Variants in CDKAL1 observed in about 807,000 individuals in gnomAD.
CDKAL1 encodes CDKAL1 threonylcarbamoyladenosine tRNA methylthiotransferase.
Under a neutral mutation model 68.2 loss-of-function variants are expected in CDKAL1, and 32 were observed. The observed-to-expected ratio is 0.47, with a 90% confidence interval of 0.35 to 0.63. The LOEUF is 0.63. Among genes scored for constraint, CDKAL1 ranks in the 30% least tolerant of loss-of-function variants. CDKAL1 has a pLI of 0.00. For missense variants in CDKAL1, 606 were observed against 696.7 expected (o/e 0.87, Z 1.47); for synonymous variants, 234 against 244.3 (o/e 0.96, Z 0.39).
intron 15 of CDKAL1, among the ~76,000 whole-genome samples, chr6:21,208,790 A>G (rs1391925382): frequency 6.6e-6 from 1 of 152,184 alleles, no homozygotes; most frequent in Non-Finnish European, 1.5e-5. Flanking sequence ...CTAGATACAT[A>G]GCTTTTATTC....
chr6:20,637,560 C>T (rs1224747239), intron 4 of CDKAL1, among the ~76,000 whole-genome samples: 1 of 152,054 alleles, frequency 6.6e-6, no homozygotes, highest in Non-Finnish European at 1.5e-5. Context: ...GAAACTCTGT[C>T]TCAACAACAA....
At chr6:20,552,547 C>T (rs1212720556) in intron 4 of CDKAL1, among the ~76,000 whole-genome samples, 1 of 151,274 alleles carries the variant, frequency 6.6e-6, no homozygotes, top group African/African-American at 2.4e-5. Context: ...TTTTGTTTTA[C>T]ACACCTAATT....
At chr6:20,931,226 G>A (rs867109981) in intron 9 of CDKAL1, among the ~76,000 whole-genome samples, 3 of 152,258 alleles carry the variant, frequency 2.0e-5, no homozygotes, top group Admixed American at 6.5e-5. Flanking sequence ...ATATGCAATA[G>A]TTTTCTAGTT....
chr6:21,025,477 A>C (rs990593190), intron 11 of CDKAL1, among the ~76,000 whole-genome samples: 1 of 151,792 alleles, frequency 6.6e-6, no homozygotes, highest in African/African-American at 2.4e-5. Flanking sequence ...GAATATTCCT[A>C]TTTTTCTTCT....
chr6:20,913,266 A>G (rs976941050), intron 9 of CDKAL1, among the ~76,000 whole-genome samples: 1 of 152,136 alleles, frequency 6.6e-6, no homozygotes. Flanking sequence ...AAGTTAGTCA[A>G]TGCTGAGGTC....
chr6:20,561,920 C>T (rs1764281938), intron 4 of CDKAL1, among the ~76,000 whole-genome samples: 1 of 152,176 alleles, frequency 6.6e-6, no homozygotes, highest in Admixed American at 6.5e-5. Flanking sequence ...ATAGTCTTGA[C>T]ATGTCTTGGA....
intron 4 of CDKAL1, among the ~76,000 whole-genome samples, chr6:20,639,459 T>G (rs1397352180): frequency 6.6e-6 from 1 of 152,142 alleles, no homozygotes; most frequent in African/African-American, 2.4e-5. Flanking sequence ...TACTCTTTCC[T>G]CCTTTTCCCC....
At chr6:20,641,370 TC>T (rs1768165965) in intron 4 of CDKAL1, among the ~76,000 whole-genome samples, 1 of 152,108 alleles carries the variant, frequency 6.6e-6, no homozygotes, top group African/African-American at 2.4e-5. Context: ...TATTCATGTG[TC>T]CCTTCTCAGG....
intron 5 of CDKAL1, among the ~76,000 whole-genome samples, chr6:20,701,658 C>T (rs563101527): frequency 2.0e-5 from 3 of 152,134 alleles, no homozygotes; most frequent in East Asian, 1.9e-4. Flanking sequence ...TTTTTTTCTA[C>T]GTAATACCTC....
chr6:20,884,973 A>G (rs756788718), intron 9 of CDKAL1, among the ~76,000 whole-genome samples: 5 of 152,166 alleles, frequency 3.3e-5, no homozygotes, highest in Admixed American at 6.5e-5. Context: ...AAAAAAGAAA[A>G]AAAAAAGTGA....
intron 11 of CDKAL1, among the ~76,000 whole-genome samples, chr6:21,051,496 A>G (rs1770535156): frequency 6.6e-6 from 1 of 152,214 alleles, no homozygotes; most frequent in African/African-American, 2.4e-5. Context: ...CTGGGTAGTG[A>G]TCAGAAGCTT....
intron 2 of CDKAL1, among the ~76,000 whole-genome samples, chr6:20,538,142 G>C (rs1372455443): frequency 6.6e-6 from 1 of 152,036 alleles, no homozygotes; most frequent in East Asian, 1.9e-4. Flanking sequence ...AGCTAACAGA[G>C]TTTTTGTCAG....
chr6:21,169,921 A>ACCCCCCCCC (rs57265201), intron 13 of CDKAL1, among the ~76,000 whole-genome samples: 1 of 127,756 alleles, frequency 7.8e-6, no homozygotes, highest in Non-Finnish European at 1.6e-5. Flanking sequence ...TACGGGAAAG[A>ACCCCCCCCC]CCCCCCCCAC....
At chr6:20,934,890 C>G (rs976423731) in intron 9 of CDKAL1, among the ~76,000 whole-genome samples, 1 of 144,166 alleles carries the variant, frequency 6.9e-6, no homozygotes, top group African/African-American at 2.6e-5. Flanking sequence ...TACTTAATTC[C>G]GCCTTATACA....
intron 13 of CDKAL1, among the ~76,000 whole-genome samples, chr6:21,152,722 T>C (rs1217793262): frequency 6.6e-6 from 1 of 152,280 alleles, no homozygotes; most frequent in Non-Finnish European, 1.5e-5. Context: ...GCTTTTCTTC[T>C]ATTACTGTGA....
chr6:21,078,543 A>C (rs1424226019), intron 12 of CDKAL1, among the ~76,000 whole-genome samples: 1 of 152,194 alleles, frequency 6.6e-6, no homozygotes, highest in Non-Finnish European at 1.5e-5. Context: ...ATGAGTGATT[A>C]ACTAGCCCAA....
At chr6:20,917,023 C>A (rs902299369) in intron 9 of CDKAL1, among the ~76,000 whole-genome samples, 8 of 152,132 alleles carry the variant, frequency 5.3e-5, no homozygotes, top group African/African-American at 1.7e-4. Context: ...TCTTGTTGCC[C>A]AGGCTGAAGT....
intron 4 of CDKAL1, among the ~76,000 whole-genome samples, chr6:20,570,520 C>T (rs1232363967): frequency 6.6e-6 from 1 of 152,158 alleles, no homozygotes; most frequent in African/African-American, 2.4e-5. Flanking sequence ...CTTGCCTTGG[C>T]CTCCCGAGTA....
At chr6:20,669,129 T>C (rs1188000685) in intron 5 of CDKAL1, among the ~76,000 whole-genome samples, 1 of 152,206 alleles carries the variant, frequency 6.6e-6, no homozygotes, top group Non-Finnish European at 1.5e-5. Flanking sequence ...TCTTCTTCTT[T>C]GGAATTAATA....
Sources: gnomAD v4.1 joint callset for allele counts (sites outside exome capture counted in the v4.1 genomes callset) on GRCh38, gnomAD v4.1.1 for gene constraint, MANE v1.5 for transcripts, NCBI Gene and HGNC (gene_info 2026-07-23, HGNC 2026-07-21) for gene names.